CNTNAP2: variants seen among roughly 807,000 people sequenced by gnomAD.
The protein encoded by CNTNAP2 is contactin associated protein 2, also known as contactin-associated protein-like 2.
CNTNAP2 carries 98 observed loss-of-function variants against 155.2 expected under a neutral mutation model. The ratio of observed to expected loss-of-function variants is 0.63; its 90% CI spans 0.54 to 0.75. CNTNAP2 has a LOEUF of 0.75. Among genes scored for constraint, CNTNAP2 ranks in the 30% least tolerant of loss-of-function variants. The pLI is 0.00. For synonymous variants in CNTNAP2, 651 were observed against 631.2 expected (o/e 1.03, Z -0.47); for missense variants, 1,727 against 1,688.1 (o/e 1.02, Z -0.40).
intron 1 of CNTNAP2, among the ~76,000 whole-genome samples, chr7:146,453,706 G>A (rs935317383): frequency 6.6e-6 from 1 of 152,104 alleles, no homozygotes; most frequent in South Asian, 2.1e-4. Flanking sequence ...AATGATGAGC[G>A]AGCATGAAAA....
At chr7:147,865,468 T>G (rs1011322428) in intron 13 of CNTNAP2, among the ~76,000 whole-genome samples, 1 of 152,168 alleles carries the variant, frequency 6.6e-6, no homozygotes, top group Non-Finnish European at 1.5e-5. Flanking sequence ...GATTCCTTCT[T>G]TTTCTATTGA....
chr7:146,584,254 T>A (rs1798653965), intron 1 of CNTNAP2, among the ~76,000 whole-genome samples: 1 of 152,184 alleles, frequency 6.6e-6, no homozygotes, highest in African/African-American at 2.4e-5. Flanking sequence ...GTTACACTGA[T>A]ACTACCATAT....
chr7:146,147,108 C>A (rs565788198), intron 1 of CNTNAP2, among the ~76,000 whole-genome samples: 4 of 152,048 alleles, frequency 2.6e-5, no homozygotes, highest in Non-Finnish European at 5.9e-5. Context: ...ATCAAAATAC[C>A]GCTGAAGCCC....
chr7:146,476,628 G>T (rs1796880537), intron 1 of CNTNAP2, among the ~76,000 whole-genome samples: 1 of 152,140 alleles, frequency 6.6e-6, no homozygotes, highest in African/African-American at 2.4e-5. Flanking sequence ...GAGTACAGAT[G>T]AAGATTCTAC....
intron 3 of CNTNAP2, among the ~76,000 whole-genome samples, chr7:147,004,054 TG>T (rs1798477428): frequency 6.6e-6 from 1 of 151,986 alleles, no homozygotes; most frequent in Non-Finnish European, 1.5e-5. Flanking sequence ...CATTTAACTT[TG>T]TTTTTGCTTG....
At chr7:147,642,042 T>C (rs1795288388) in intron 13 of CNTNAP2, among the ~76,000 whole-genome samples, 1 of 150,336 alleles carries the variant, frequency 6.7e-6, no homozygotes, top group Non-Finnish European at 1.5e-5. Context: ...TTTAACTGGA[T>C]TCTGTTTCCA....
intron 14 of CNTNAP2, among the ~76,000 whole-genome samples, chr7:147,920,233 G>A (rs1403108733): frequency 6.6e-6 from 1 of 151,318 alleles, no homozygotes; most frequent in East Asian, 2.0e-4. Flanking sequence ...GCACATGCCT[G>A]TAATCCCAGC....
At chr7:147,870,945 C>G (rs1340219151) in intron 13 of CNTNAP2, among the ~76,000 whole-genome samples, 1 of 152,014 alleles carries the variant, frequency 6.6e-6, no homozygotes, top group Non-Finnish European at 1.5e-5. Flanking sequence ...TCCCCCTACC[C>G]TCAACTATTA....
Position 148,171,696 on chromosome 7 carries a change from G to A in CNTNAP2, c.2774-546G>A, listed in dbSNP as rs114216547. Among the ~76,000 whole-genome samples the A allele has an allele frequency of 7.5e-3, 1,137 of 152,304 alleles. 14 individuals are homozygous for A. Among genetic ancestry groups the A allele is most frequent in the African/African-American group, 0.025 (1,052 of 41,546 alleles). On this transcript the variant is annotated intron_variant, in intron 17 of 23. Coordinates refer to ENST00000361727, the MANE Select transcript of CNTNAP2 (RefSeq NM_014141.6). ...TTTCTGTGTAAAGTTATCAGTTCCAGCTTCCAGCTACCCCAGACAAGGAGC... is the reference window on the plus strand; with the variant it reads ...TTTCTGTGTAAAGTTATCAGTTCCAACTTCCAGCTACCCCAGACAAGGAGC...
At chr7:147,145,522 C>T (rs1326346992) in intron 8 of CNTNAP2, among the ~76,000 whole-genome samples, 1 of 152,168 alleles carries the variant, frequency 6.6e-6, no homozygotes, top group African/African-American at 2.4e-5. Flanking sequence ...CTCTGTTGCA[C>T]TCTGGAAGTT....
At chr7:148,138,793 C>T (rs1309947869) in intron 16 of CNTNAP2, among the ~76,000 whole-genome samples, 1 of 152,162 alleles carries the variant, frequency 6.6e-6, no homozygotes, top group African/African-American at 2.4e-5. Flanking sequence ...GTATTTAAAA[C>T]CCAACTGCAA....
intron 13 of CNTNAP2, among the ~76,000 whole-genome samples, chr7:147,737,687 C>A (rs926204205): frequency 6.6e-6 from 1 of 152,202 alleles, no homozygotes; most frequent in Non-Finnish European, 1.5e-5. Context: ...TTCCCGGCCA[C>A]TTTGTTTACC....
intron 9 of CNTNAP2, among the ~76,000 whole-genome samples, chr7:147,376,265 A>G (rs1449901842): frequency 6.6e-6 from 1 of 151,968 alleles, no homozygotes; most frequent in Non-Finnish European, 1.5e-5. Flanking sequence ...TTTATGGCAG[A>G]TAGTCGAAGG....
intron 1 of CNTNAP2, among the ~76,000 whole-genome samples, chr7:146,163,792 CAAAA>C (rs1371002268): frequency 6.6e-6 from 1 of 151,534 alleles, no homozygotes; most frequent in South Asian, 2.1e-4. Flanking sequence ...AGAGGGCAGA[CAAAA>C]GAAAGAGATC....
At chr7:148,330,430 G>A (rs111219427) in intron 21 of CNTNAP2, among the ~76,000 whole-genome samples, 59,985 of 150,136 alleles carry the variant, frequency 0.4, 12,562 homozygotes, top group Non-Finnish European at 0.48. Context: ...TGGAGTGGAC[G>A]GATGGAGCAG....
chr7:146,522,550 C>T (rs1797630351), intron 1 of CNTNAP2, among the ~76,000 whole-genome samples: 1 of 151,640 alleles, frequency 6.6e-6, no homozygotes. Flanking sequence ...AGCAGTCCAG[C>T]CTAAGAATGA....
At chr7:146,242,396 A>G (rs1440580373) in intron 1 of CNTNAP2, among the ~76,000 whole-genome samples, 1 of 151,974 alleles carries the variant, frequency 6.6e-6, no homozygotes, top group Non-Finnish European at 1.5e-5. Context: ...AATATTAGCC[A>G]GACGTGGTGG....
chr7:146,828,251 CATGGTGTAAATAA>C (rs1272399099), intron 2 of CNTNAP2, among the ~76,000 whole-genome samples: 6 of 151,930 alleles, frequency 3.9e-5, no homozygotes, highest in African/African-American at 1.2e-4. Flanking sequence ...GCTGAAATAA[CATGGTGTAAATAA>C]ATGGTGTAAA....
chr7:147,497,304 C>T (rs1444602815), intron 11 of CNTNAP2, among the ~76,000 whole-genome samples: 1 of 152,170 alleles, frequency 6.6e-6, no homozygotes, highest in African/African-American at 2.4e-5. Flanking sequence ...GAAAAATATG[C>T]CTACTCTACT....
Sources: allele counts gnomAD v4.1 joint callset (sites outside exome capture counted in the v4.1 genomes callset), GRCh38; gene constraint gnomAD v4.1.1; transcripts MANE v1.5; gene names NCBI Gene and HGNC (gene_info 2026-07-23, HGNC 2026-07-21).